SUGCT: variants seen among roughly 807,000 people sequenced by gnomAD.
SUGCT encodes the protein succinyl-CoA:glutarate CoA-transferase.
In SUGCT, 41 loss-of-function variants were observed where a neutral mutation model predicts 55.0. The observed-to-expected ratio is 0.74, with a 90% CI of 0.58 to 0.97. The LOEUF is 0.97. Ranked by LOEUF, SUGCT falls within the 50% of genes least tolerant of loss-of-function variation. The pLI is 0.00. For synonymous variants in SUGCT, 187 were observed against 200.4 expected, an observed-to-expected ratio of 0.93 and a Z score of 0.56; for missense variants, 568 against 547.8, an observed-to-expected ratio of 1.04 and a Z score of -0.37.
the SUGCT span, among the ~76,000 whole-genome samples, chr7:40,974,457 C>A: frequency 1.3e-5 from 2 of 152,158 alleles, no homozygotes; most frequent in Non-Finnish European, 2.9e-5. Context: ...TATGAAGACA[C>A]AAAAAGAAGG....
At chr7:40,881,981 T>A in the SUGCT span, among the ~76,000 whole-genome samples, 2 of 152,206 alleles carry the variant, frequency 1.3e-5, no homozygotes, top group Non-Finnish European at 2.9e-5. Flanking sequence ...GCTCTAATAT[T>A]GGTCTAAGTC....
At chr7:40,841,490 T>C (rs1024786860) in intron 13 of SUGCT, among the ~76,000 whole-genome samples, 1 of 152,214 alleles carries the variant, frequency 6.6e-6, no homozygotes, top group African/African-American at 2.4e-5. Context: ...ACACAGGGAA[T>C]GTTTCAGTTA....
intron 1 of SUGCT, among the ~76,000 whole-genome samples, chr7:40,165,868 G>A (rs527712171): frequency 1.8e-4 from 27 of 152,166 alleles, no homozygotes; most frequent in African/African-American, 5.3e-4. Flanking sequence ...GCCTATGACC[G>A]CAGAACTTTG....
chr7:40,330,724 A>C (rs950312448), intron 9 of SUGCT, among the ~76,000 whole-genome samples: 3 of 152,118 alleles, frequency 2.0e-5, no homozygotes, highest in African/African-American at 7.2e-5. Flanking sequence ...ATGCGTGGCA[A>C]ATACTTGGTT....
At chr7:40,715,371 C>T (rs1225516537) in intron 12 of SUGCT, among the ~76,000 whole-genome samples, 3 of 152,140 alleles carry the variant, frequency 2.0e-5, no homozygotes, top group African/African-American at 7.2e-5. Context: ...AAAGTCCCAT[C>T]TCCTGTTCCC....
intron 1 of SUGCT, among the ~76,000 whole-genome samples, chr7:40,170,369 G>T (rs1784614213): frequency 1.3e-5 from 2 of 152,100 alleles, no homozygotes; most frequent in African/African-American, 4.8e-5. Flanking sequence ...AGCCATCAGG[G>T]TTATCTGAGA....
intron 9 of SUGCT, among the ~76,000 whole-genome samples, chr7:40,329,207 G>A (rs1796176492): frequency 6.6e-6 from 1 of 152,080 alleles, no homozygotes; most frequent in Non-Finnish European, 1.5e-5. Flanking sequence ...GTTCTGATAT[G>A]GTACCAATTA....
At chr7:40,952,996 G>A in the SUGCT span, among the ~76,000 whole-genome samples, 1,107 of 152,216 alleles carry the variant, frequency 7.3e-3, 15 homozygotes, top group African/African-American at 0.024. Context: ...TTGAATGTTG[G>A]CCTGCCTTGC....
chr7:40,283,785 G>A (rs1001520578), intron 8 of SUGCT, among the ~76,000 whole-genome samples: 29 of 152,120 alleles, frequency 1.9e-4, no homozygotes, highest in African/African-American at 7.0e-4. Flanking sequence ...AGAATTAAAA[G>A]TAGAACTACC....
In SUGCT at chr7:40,135,013, C is replaced by A; in HGVS notation, c.-8C>A. On this transcript the variant is annotated 5_prime_UTR_variant, in exon 1 of 14. Coordinates refer to ENST00000335693, the MANE Select transcript of SUGCT (RefSeq NM_001193313.2). Reference sequence around the variant, plus strand: ...GCACCGGGACCGATGCCATCTGAGACGCACGCGATGCTGGCGACGCTGGCG... The same window carrying A: ...GCACCGGGACCGATGCCATCTGAGAAGCACGCGATGCTGGCGACGCTGGCG... 6.4e-7 allele frequency: 1 copy of A among 1,558,586 alleles called. No individual in the cohort carries two copies. The highest frequency in any genetic ancestry group is 8.7e-7 in the Non-Finnish European group (1 of 1,153,196).
chr7:40,735,460 A>T (rs140213473), intron 12 of SUGCT, among the ~76,000 whole-genome samples: 2 of 152,200 alleles, frequency 1.3e-5, no homozygotes, highest in Non-Finnish European at 2.9e-5. Context: ...GGGGGACTAT[A>T]TGACCAGAGA....
At chr7:40,646,273 T>C (rs1800504897) in intron 12 of SUGCT, among the ~76,000 whole-genome samples, 2 of 152,366 alleles carry the variant, frequency 1.3e-5, no homozygotes, top group African/African-American at 4.8e-5. Context: ...GGACTCCTCA[T>C]AGCCTCCTTA....
chr7:40,787,704 C>T (rs1484060001), intron 13 of SUGCT, among the ~76,000 whole-genome samples: 2 of 140,922 alleles, frequency 1.4e-5, no homozygotes, highest in Non-Finnish European at 3.1e-5. Flanking sequence ...AATGCCTGCT[C>T]TCTCTAGCCA....
chr7:40,271,816 C>T (rs78466990), intron 7 of SUGCT, among the ~76,000 whole-genome samples: 9,911 of 151,776 alleles, frequency 0.065, 652 homozygotes, highest in African/African-American at 0.17. Flanking sequence ...CACTAATCAA[C>T]CTCTCTTCAT....
intron 7 of SUGCT, among the ~76,000 whole-genome samples, chr7:40,266,764 C>G (rs1324611022): frequency 6.6e-6 from 1 of 151,990 alleles, no homozygotes; most frequent in African/African-American, 2.4e-5. Flanking sequence ...CGCCTATAAT[C>G]CGAGCACTTT....
chr7:40,254,467 G>A (rs1260483899), intron 7 of SUGCT, among the ~76,000 whole-genome samples: 3 of 151,394 alleles, frequency 2.0e-5, no homozygotes, highest in East Asian at 1.9e-4. Flanking sequence ...GTGTGATCTC[G>A]GCTCTCCGCA....
intron 13 of SUGCT, among the ~76,000 whole-genome samples, chr7:40,832,736 C>G (rs1212394617): frequency 1.3e-5 from 2 of 150,844 alleles, no homozygotes; most frequent in Non-Finnish European, 3.0e-5. Flanking sequence ...GTGCAGTGGC[C>G]CAATCTTGGC....
At chr7:40,271,836 C>T (rs1417446168) in intron 7 of SUGCT, among the ~76,000 whole-genome samples, 1 of 151,944 alleles carries the variant, frequency 6.6e-6, no homozygotes, top group East Asian at 1.9e-4. Context: ...TCTCTCCTCC[C>T]CCTACCCTTC....
intron 12 of SUGCT, among the ~76,000 whole-genome samples, chr7:40,701,227 A>T (rs1332629357): frequency 3.3e-5 from 5 of 152,194 alleles, no homozygotes; most frequent in Non-Finnish European, 5.9e-5. Context: ...ATGCCTCCTA[A>T]AAAGTTCTGC....
Sources: allele counts gnomAD v4.1 joint callset (sites outside exome capture counted in the v4.1 genomes callset), GRCh38; gene constraint gnomAD v4.1.1; transcripts MANE v1.5; gene names NCBI Gene and HGNC (gene_info 2026-07-23, HGNC 2026-07-21).